The following SLC26A5 variants were observed in gnomAD, a reference collection of about 807,000 sequenced individuals.
SLC26A5 encodes the protein prestin.
In SLC26A5, 51 loss-of-function variants were observed where a neutral mutation model predicts 81.0. The observed-to-expected ratio is 0.63, with a 90% CI of 0.50 to 0.80. SLC26A5 has a LOEUF of 0.80. SLC26A5 is among the 30% of genes least tolerant of loss of function. The pLI is 0.00. For synonymous variants in SLC26A5, 325 were observed against 332.8 expected (o/e 0.98, Z 0.25); for missense variants, 771 against 905.8 (o/e 0.85, Z 1.91).
At chr7:103,385,931 C>CTTTT (rs201817253) in intron 14 of SLC26A5, among the ~76,000 whole-genome samples, 2,231 of 144,472 alleles carry the variant, frequency 0.015, 70 homozygotes, top group African/African-American at 0.054. Flanking sequence ...TTTTTTCTTT[C>CTTTT]TTTCTTTTTT....
Position 103,444,362 on chromosome 7 carries a change from C to T in SLC26A5, c.-182-1151G>A, listed in dbSNP as rs139832808. ...ATGATTTCCCTAGAAAACTGTTTCA[C>T]TTGGGTTACTAAAATGCAGACTACC... On this transcript the variant is annotated intron_variant, in intron 1 of 19. Coordinates refer to ENST00000306312, the MANE Select transcript of SLC26A5 (RefSeq NM_198999.3). Among the ~76,000 whole-genome samples the T allele has an allele frequency of 1.1e-3, 162 of 152,314 alleles. 1 individual carries two copies. Among genetic ancestry groups the T allele is most frequent in the African/African-American group, 3.4e-3 (140 of 41,564 alleles).
chr7:103,363,915 T>C (rs1820552255), intron 19 of SLC26A5, among the ~76,000 whole-genome samples: 1 of 152,212 alleles, frequency 6.6e-6, no homozygotes, highest in Non-Finnish European at 1.5e-5. Context: ...AAAAGCCATT[T>C]AGTCTTATGT....
At position 103,367,339 on chromosome 7, in the gene SLC26A5, T is replaced by C. The variant is rs1820768361; in HGVS notation, c.2041+9469A>G. On this transcript the variant is annotated intron_variant, in intron 19 of 19. Coordinates refer to the SLC26A5 transcript ENST00000339444. This position sits in a 1 kb window ranked among gnomAD's most constrained non-coding sequence, Gnocchi z 6.1. ...AGGACATGATTTGAGCTGAGATTTT[T>C]GGTACTTTCAGGTCATGCATAGTGC... The C allele has an allele frequency of 8.5e-6, 12 of 1,411,734 alleles. No individual in the cohort carries two copies. Among genetic ancestry groups the C allele is most frequent in the Middle Eastern group, 2.5e-4 (1 of 4,036 alleles). 87.5% of individuals were successfully genotyped at this position (1,411,734 alleles called of 1,614,324 possible).
chr7:103,370,223 A>G (rs1820951235), downstream of SLC26A5, among the ~76,000 whole-genome samples: 1 of 152,014 alleles, frequency 6.6e-6, no homozygotes, highest in Non-Finnish European at 1.5e-5. Context: ...AAAAGGACCA[A>G]TAGCATTTTT....
intron 9 of SLC26A5, among the ~76,000 whole-genome samples, chr7:103,397,263 C>T (rs936801849): frequency 9.9e-5 from 15 of 151,054 alleles, no homozygotes; most frequent in African/African-American, 2.4e-4. Context: ...AAAAATTAGC[C>T]GGGTGTGGTG....
At chr7:103,398,313 CGTTG>C (rs1823311624) in intron 8 of SLC26A5, among the ~76,000 whole-genome samples, 1 of 152,158 alleles carries the variant, frequency 6.6e-6, no homozygotes, top group African/African-American at 2.4e-5. Context: ...GCCTTTCAAA[CGTTG>C]ACCTTACCTT....
chr7:103,421,219 C>T (rs752204631), intron 3 of SLC26A5, 144 bp downstream of exon 3: 42 of 891,382 alleles, frequency 4.7e-5, no homozygotes, highest in Non-Finnish European at 7.2e-5. Flanking sequence ...GCTGACTGAA[C>T]CTCGTGAACA....
chr7:103,371,424 A>G (rs1821029172), downstream of SLC26A5, among the ~76,000 whole-genome samples: 2 of 149,372 alleles, frequency 1.3e-5, no homozygotes, highest in Admixed American at 6.7e-5. Flanking sequence ...TCCCGGGTTC[A>G]CGCCATTCTC....
intron 19 of SLC26A5, among the ~76,000 whole-genome samples, chr7:103,365,561 G>A (rs908899910): frequency 3.3e-5 from 5 of 152,022 alleles, no homozygotes; most frequent in African/African-American, 4.8e-5. Context: ...CCCAGAAGGC[G>A]AAGGTTGCAC....
At chr7:103,432,975 G>A (rs1405050933) in intron 2 of SLC26A5, among the ~76,000 whole-genome samples, 2 of 152,166 alleles carry the variant, frequency 1.3e-5, no homozygotes, top group Non-Finnish European at 2.9e-5. Context: ...ATGAGGCACA[G>A]GCCCAGGGTT....
Position 103,361,628 on chromosome 7 carries a change from A to G in SLC26A5, c.2042-8702T>C, listed in dbSNP as rs114789907. Reference sequence around the variant, plus strand: ...ACAAGATGACCATCTTTTTGTAGGGAAAATAAAAACGAGAGCAACTTAAGA... The same window carrying G: ...ACAAGATGACCATCTTTTTGTAGGGGAAATAAAAACGAGAGCAACTTAAGA... On this transcript the variant is annotated intron_variant, in intron 19 of 19. Transcript: ENST00000339444. Among the ~76,000 whole-genome samples the G allele has an allele frequency of 4.7e-3, 712 of 152,174 alleles. 6 individuals carry two copies. Among genetic ancestry groups the G allele is most frequent in the African/African-American group, 0.016 (676 of 41,540 alleles).
chr7:103,429,853 T>C (rs1011669291), intron 2 of SLC26A5, among the ~76,000 whole-genome samples: 3 of 152,212 alleles, frequency 2.0e-5, no homozygotes, highest in Admixed American at 6.5e-5. Flanking sequence ...AAGGTTGCCA[T>C]AGCATGTAGT....
chr7:103,376,082 CT>C (rs1246722608), intron 19 of SLC26A5, among the ~76,000 whole-genome samples: 6 of 146,498 alleles, frequency 4.1e-5, no homozygotes, highest in Non-Finnish European at 4.5e-5. Context: ...CATTTTCTTT[CT>C]TTTTTTTTTG....
intron 19 of SLC26A5, among the ~76,000 whole-genome samples, chr7:103,358,862 T>A (rs1025719817): frequency 6.6e-6 from 1 of 152,170 alleles, no homozygotes; most frequent in East Asian, 1.9e-4. Context: ...CCTATACCCC[T>A]ACAAGATCCC....
intron 2 of SLC26A5, among the ~76,000 whole-genome samples, chr7:103,432,780 T>G (rs1826174689): frequency 6.6e-6 from 1 of 151,740 alleles, no homozygotes; most frequent in Admixed American, 6.6e-5. Context: ...AGGGGAGGAG[T>G]GGTTCTGTGG....
At chr7:103,429,199 A>C (rs28532043) in intron 2 of SLC26A5, among the ~76,000 whole-genome samples, 11,222 of 152,262 alleles carry the variant, frequency 0.074, 1,403 homozygotes, top group African/African-American at 0.26. Context: ...GCTTTTCTTT[A>C]AGTTTTGAAA....
intron 19 of SLC26A5, chr7:103,368,155 A>T (rs1820817596): frequency 2.8e-6 from 3 of 1,067,494 alleles, no homozygotes; most frequent in East Asian, 5.1e-5. Context: ...TCAAAATTGT[A>T]TGCTTTTTTC....
At chr7:103,423,731 G>A (rs963534356) in intron 2 of SLC26A5, among the ~76,000 whole-genome samples, 1 of 152,068 alleles carries the variant, frequency 6.6e-6, no homozygotes, top group Non-Finnish European at 1.5e-5. Flanking sequence ...CATTGTTCTT[G>A]GACCTCCCAG....
chr7:103,424,367 A>G (rs1238558364), intron 2 of SLC26A5, among the ~76,000 whole-genome samples: 1 of 152,132 alleles, frequency 6.6e-6, no homozygotes, highest in Non-Finnish European at 1.5e-5. Flanking sequence ...TCTTTGAGAC[A>G]ATATCATACT....
Sources: gnomAD v4.1 joint callset for allele counts (sites outside exome capture counted in the v4.1 genomes callset) on GRCh38, gnomAD v4.1.1 for gene constraint, Gnocchi (gnomAD v3.1) non-coding constraint, MANE v1.5 for transcripts, NCBI Gene and HGNC (gene_info 2026-07-23, HGNC 2026-07-21) for gene names.